Variants in GPC6 observed in about 807,000 individuals in gnomAD.
The protein encoded by GPC6 is glypican-6.
Under a neutral mutation model 55.2 loss-of-function variants are expected in GPC6, and 14 were observed. That is an observed-to-expected ratio of 0.25 (90% CI 0.17 to 0.40). GPC6 has a LOEUF of 0.40. Among genes scored for constraint, GPC6 ranks in the 10% least tolerant of loss-of-function variants. GPC6 has a pLI of 1.00. For synonymous variants in GPC6, 278 were observed against 259.6 expected (o/e 1.07, Z -0.68); for missense variants, 641 against 708.5 (o/e 0.90, Z 1.08).
chr13:94,012,734 T>A (rs1882298871), intron 3 of GPC6, among the ~76,000 whole-genome samples: 1 of 152,172 alleles, frequency 6.6e-6, no homozygotes, highest in African/African-American at 2.4e-5. Flanking sequence ...TTTATATTCT[T>A]GAAAATGGCA....
chr13:93,456,218 G>A (rs1162835685), intron 1 of GPC6, among the ~76,000 whole-genome samples: 1 of 152,050 alleles, frequency 6.6e-6, no homozygotes, highest in Non-Finnish European at 1.5e-5. Flanking sequence ...AAAAGCTTCA[G>A]CATTCATAAT....
chr13:93,719,400 A>G (rs952991980), intron 2 of GPC6, among the ~76,000 whole-genome samples: 15 of 152,040 alleles, frequency 9.9e-5, no homozygotes, highest in African/African-American at 3.4e-4. Context: ...TTATTGGTGT[A>G]TAGGAATCCT....
chr13:94,274,711 A>C (rs1892149877), intron 4 of GPC6, among the ~76,000 whole-genome samples: 1 of 152,080 alleles, frequency 6.6e-6, no homozygotes, highest in South Asian at 2.1e-4. Context: ...GAAAAGCAGC[A>C]GGAACTACCT....
chr13:94,156,162 G>A (rs898567737), intron 4 of GPC6, among the ~76,000 whole-genome samples: 3 of 152,074 alleles, frequency 2.0e-5, no homozygotes, highest in Non-Finnish European at 4.4e-5. Flanking sequence ...GTCAATTATG[G>A]CCAAATGAAA....
At chr13:93,388,589 G>T (rs1474638288) in intron 1 of GPC6, among the ~76,000 whole-genome samples, 1 of 152,134 alleles carries the variant, frequency 6.6e-6, no homozygotes, top group Non-Finnish European at 1.5e-5. Flanking sequence ...TCAAGCTGAG[G>T]TATATGCCAG....
intron 1 of GPC6, among the ~76,000 whole-genome samples, chr13:93,251,643 C>T (rs963625188): frequency 2.6e-5 from 4 of 152,174 alleles, no homozygotes; most frequent in African/African-American, 4.8e-5. Context: ...GGTTTCCTAT[C>T]TATACAGAGA....
intron 2 of GPC6, among the ~76,000 whole-genome samples, chr13:93,819,796 A>G (rs1272748461): frequency 6.6e-6 from 1 of 152,244 alleles, no homozygotes; most frequent in East Asian, 1.9e-4. Context: ...CCATGAGAAC[A>G]TAAATGGCCT....
intron 4 of GPC6, among the ~76,000 whole-genome samples, chr13:94,092,445 GT>G (rs1216694794): frequency 6.6e-6 from 1 of 151,952 alleles, no homozygotes; most frequent in Non-Finnish European, 1.5e-5. Flanking sequence ...CATTTATATT[GT>G]TGCAAATAAC....
chr13:93,814,195 G>A (rs1594480029), intron 2 of GPC6, among the ~76,000 whole-genome samples: 1 of 151,960 alleles, frequency 6.6e-6, no homozygotes. Context: ...TTTTATTCCT[G>A]GTCCTTCACT....
At chr13:93,612,246 TC>T (rs1878501362) in intron 2 of GPC6, among the ~76,000 whole-genome samples, 3 of 152,292 alleles carry the variant, frequency 2.0e-5, no homozygotes, top group Admixed American at 2.0e-4. Context: ...ACGCCTGTAA[TC>T]CCAGCACTTT....
At chr13:93,540,404 A>G (rs1438224034) in intron 1 of GPC6, among the ~76,000 whole-genome samples, 1 of 152,172 alleles carries the variant, frequency 6.6e-6, no homozygotes, top group Non-Finnish European at 1.5e-5. Flanking sequence ...AATCCTTCCT[A>G]GGAGCGAATT....
intron 4 of GPC6, among the ~76,000 whole-genome samples, chr13:94,056,720 T>A (rs907398618): frequency 6.6e-6 from 1 of 151,550 alleles, no homozygotes; most frequent in African/African-American, 2.4e-5. Context: ...ATACTAATGA[T>A]CAATAATGGA....
chr13:94,033,665 G>T (rs1883219346), intron 4 of GPC6, among the ~76,000 whole-genome samples: 1 of 152,108 alleles, frequency 6.6e-6, no homozygotes, highest in Non-Finnish European at 1.5e-5. Flanking sequence ...ATATAATTCT[G>T]ACAAGAAACT....
At chr13:94,060,018 C>T (rs1884265514) in intron 4 of GPC6, among the ~76,000 whole-genome samples, 1 of 152,096 alleles carries the variant, frequency 6.6e-6, no homozygotes, top group African/African-American at 2.4e-5. Flanking sequence ...CTGACCACCT[C>T]TTCTCAAATA....
chr13:93,267,404 T>A (rs905280214), intron 1 of GPC6, among the ~76,000 whole-genome samples: 5 of 151,952 alleles, frequency 3.3e-5, no homozygotes, highest in South Asian at 4.2e-4. Context: ...TTTTTTTTTT[T>A]AATTTACTAT....
intron 4 of GPC6, among the ~76,000 whole-genome samples, chr13:94,152,026 A>T (rs1887760594): frequency 6.6e-6 from 1 of 152,066 alleles, no homozygotes; most frequent in Admixed American, 6.6e-5. Flanking sequence ...GCCATACTAG[A>T]GCAATCTACA....
chr13:93,379,918 G>C (rs376957949), intron 1 of GPC6, among the ~76,000 whole-genome samples: 1 of 147,756 alleles, frequency 6.8e-6, no homozygotes, highest in African/African-American at 2.5e-5. Flanking sequence ...ATAAATGTTG[G>C]TTTTGGTTAT....
chr13:94,112,200 T>A (rs1199194740), intron 4 of GPC6, among the ~76,000 whole-genome samples: 2 of 152,154 alleles, frequency 1.3e-5, no homozygotes, highest in African/African-American at 4.8e-5. Flanking sequence ...AAAATAACTT[T>A]GGTAAATAAC....
intron 1 of GPC6, among the ~76,000 whole-genome samples, chr13:93,415,494 A>G (rs1010045483): frequency 6.6e-5 from 10 of 152,118 alleles, no homozygotes; most frequent in Admixed American, 6.6e-4. Context: ...CTCATTTCAT[A>G]GTTTAATCTT....
Sources: allele counts gnomAD v4.1 joint callset (sites outside exome capture counted in the v4.1 genomes callset), GRCh38; gene constraint gnomAD v4.1.1; transcripts MANE v1.5; gene names NCBI Gene and HGNC (gene_info 2026-07-23, HGNC 2026-07-21).